GRIN2A: variants seen among roughly 807,000 people sequenced by gnomAD.
GRIN2A encodes glutamate ionotropic receptor NMDA type subunit 2A.
A neutral mutation model predicts 113.4 loss-of-function variants in GRIN2A; 22 were observed. The ratio of observed to expected loss-of-function variants is 0.19; its 90% CI spans 0.14 to 0.28. GRIN2A has a LOEUF of 0.28. GRIN2A is among the 10% of genes least tolerant of loss of function. The probability of loss-of-function intolerance (pLI) is 1.00; values close to 1 mark genes in which losing one functional copy is unlikely to be tolerated. For synonymous variants in GRIN2A, 827 were observed against 738.4 expected, an observed-to-expected ratio of 1.12 and a Z score of -1.94; for missense variants, 1,502 against 1,887.0, an observed-to-expected ratio of 0.80 and a Z score of 3.78.
intron 3 of GRIN2A, among the ~76,000 whole-genome samples, chr16:9,920,254 T>C (rs1255454628): frequency 6.6e-6 from 1 of 152,190 alleles, no homozygotes; most frequent in Non-Finnish European, 1.5e-5. Flanking sequence ...CATGAATGAA[T>C]GAACGAATGA....
chr16:9,961,264 C>T (rs148195123), intron 2 of GRIN2A, among the ~76,000 whole-genome samples: 447 of 152,066 alleles, frequency 2.9e-3, no homozygotes, highest in Non-Finnish European at 4.5e-3. Context: ...GATGGAAATA[C>T]GCAGCTACAA....
chr16:9,978,926 G>C (rs149490272), intron 2 of GRIN2A, among the ~76,000 whole-genome samples: 13 of 152,286 alleles, frequency 8.5e-5, no homozygotes, highest in African/African-American at 3.1e-4. Flanking sequence ...TGTACCCACA[G>C]ACACTTCTAA....
chr16:9,757,235 T>G lies in GRIN2A; in HGVS notation c.*5914A>C. The G allele has an allele frequency of 1.4e-5, 3 of 219,892 alleles. No individual in the cohort carries two copies. Among genetic ancestry groups the G allele is most frequent in the Non-Finnish European group, 1.8e-5 (2 of 109,634 alleles). The allele number at this position is 219,892 out of a possible 1,614,324, so 13.6% of individuals were successfully genotyped here. ...GTGCAAAAATGTAGGAGTGTGAGTG[T>G]GTTCACCTGGTTAGCAGCTCCTGGG... is the stretch of plus-strand genomic sequence containing the variant. On this transcript the variant is annotated 3_prime_UTR_variant, in exon 13 of 13. Transcript: ENST00000330684.
intron 2 of GRIN2A, among the ~76,000 whole-genome samples, chr16:10,100,147 C>G (rs8055814): frequency 0.83 from 126,544 of 152,124 alleles, 53,526 homozygotes; most frequent in East Asian, 0.95. Flanking sequence ...GCAGGTGAGA[C>G]GTGGGGCTCC....
chr16:10,154,655 C>A (rs2049652119), intron 2 of GRIN2A, among the ~76,000 whole-genome samples: 1 of 152,086 alleles, frequency 6.6e-6, no homozygotes, highest in Non-Finnish European at 1.5e-5. Flanking sequence ...GAAGCTAAAT[C>A]AACAAATAAA....
chr16:9,908,496 T>C (rs1852213180), intron 3 of GRIN2A, among the ~76,000 whole-genome samples: 1 of 151,572 alleles, frequency 6.6e-6, no homozygotes, highest in African/African-American at 2.4e-5. Context: ...AGAGAAATAA[T>C]TGTGGGGAGA....
chr16:10,038,069 G>A (rs997562691), intron 2 of GRIN2A, among the ~76,000 whole-genome samples: 15 of 146,248 alleles, frequency 1.0e-4, no homozygotes, highest in East Asian at 2.3e-4. Flanking sequence ...CATAAACTGC[G>A]CGTAAAAACA....
At chr16:10,114,812 T>A (rs2048697192) in intron 2 of GRIN2A, among the ~76,000 whole-genome samples, 1 of 152,262 alleles carries the variant, frequency 6.6e-6, no homozygotes, top group Non-Finnish European at 1.5e-5. Flanking sequence ...GAATTTATGC[T>A]TCATTTAATG....
chr16:9,891,069 C>G lies in GRIN2A; in HGVS notation c.1039G>C (p.Asp347His). The G allele has an allele frequency of 2.5e-6, 4 of 1,612,356 alleles. No individual in the cohort carries two copies. The highest frequency in any genetic ancestry group is 3.4e-6 in the Non-Finnish European group (4 of 1,178,390). The change falls in exon 4 of 13, where the codon GAC becomes CAC. Residue 347 changes from aspartate (D) to histidine (H), a missense_variant. Asp to His is a moderately conservative substitution (Grantham distance 81). This residue lies in a region of GRIN2A where 334 missense variants were observed against 403.0 expected (regional missense o/e 0.83). Transcript: ENST00000330684. Reference protein sequence around the residue: ...FMVNVTWDGKDLSFTEEGYQV... With the variant: ...FMVNVTWDGKHLSFTEEGYQV... ...TAGCCTTCCTCAGTGAAGGATAAGT[C>G]TTTGCCATCCCATGTAACATTGACC...
chr16:10,180,433 C>A lies in GRIN2A; in HGVS notation c.-18-4G>T, dbSNP rs2050244759. 3 of 1,600,266 alleles carry A rather than the reference C, an allele frequency of 1.9e-6. No homozygotes were observed. The highest frequency in any genetic ancestry group is 2.2e-5 in the South Asian group (2 of 90,652). On this transcript the variant is annotated splice_polypyrimidine_tract_variant and splice_region_variant and intron_variant, in intron 1 of 12. Coordinates refer to ENST00000330684, the MANE Select transcript of GRIN2A (RefSeq NM_001134407.3). This position sits in a 1 kb window ranked among gnomAD's most constrained non-coding sequence, Gnocchi z 7.0. ...CCATAGTCGCCACTGACGGTCCCTG[C>A]AAGGTGAAGAGTGAGAGGCAGGGCC...
At chr16:10,168,170 A>C (rs1260832944) in intron 2 of GRIN2A, among the ~76,000 whole-genome samples, 1 of 152,222 alleles carries the variant, frequency 6.6e-6, no homozygotes, top group African/African-American at 2.4e-5. Context: ...TCACTAGTAA[A>C]TATGAGGCCG....
intron 11 of GRIN2A, among the ~76,000 whole-genome samples, chr16:9,793,550 A>G (rs1345606154): frequency 6.6e-6 from 1 of 152,076 alleles, no homozygotes; most frequent in African/African-American, 2.4e-5. Context: ...AGCAGAATCG[A>G]GGTACTCAAT....
chr16:10,104,374 G>T (rs1277450917), intron 2 of GRIN2A, among the ~76,000 whole-genome samples: 1 of 152,186 alleles, frequency 6.6e-6, no homozygotes, highest in African/African-American at 2.4e-5. Flanking sequence ...TTGAGCCTGG[G>T]CATCTGGGAG....
At chr16:10,057,273 T>C (rs1447837047) in intron 2 of GRIN2A, among the ~76,000 whole-genome samples, 1 of 152,158 alleles carries the variant, frequency 6.6e-6, no homozygotes, top group Non-Finnish European at 1.5e-5. Flanking sequence ...ACCTCAAGAA[T>C]AAATACAATC....
At chr16:9,995,593 TC>T (rs778368543) in intron 2 of GRIN2A, among the ~76,000 whole-genome samples, 3 of 152,088 alleles carry the variant, frequency 2.0e-5, no homozygotes, top group Non-Finnish European at 2.9e-5. Flanking sequence ...GTCTATTCAC[TC>T]CCAGTCATAA....
At chr16:10,026,383 A>G (rs1018269614) in intron 2 of GRIN2A, among the ~76,000 whole-genome samples, 1 of 152,132 alleles carries the variant, frequency 6.6e-6, no homozygotes, top group African/African-American at 2.4e-5. Flanking sequence ...ATCTATTGCT[A>G]TTATTTATTA....
chr16:10,003,252 T>A (rs1183059975), intron 2 of GRIN2A, among the ~76,000 whole-genome samples: 1 of 152,006 alleles, frequency 6.6e-6, no homozygotes, highest in Non-Finnish European at 1.5e-5. Flanking sequence ...CTGATTCCAA[T>A]GGGAGAGGCA....
At chr16:9,925,962 T>C (rs963628331) in intron 3 of GRIN2A, among the ~76,000 whole-genome samples, 1 of 152,218 alleles carries the variant, frequency 6.6e-6, no homozygotes, top group Non-Finnish European at 1.5e-5. Flanking sequence ...ACATTGGAAA[T>C]TTTCAAGACA....
At chr16:9,899,406 C>T (rs917980505) in intron 3 of GRIN2A, among the ~76,000 whole-genome samples, 11 of 126,964 alleles carry the variant, frequency 8.7e-5, no homozygotes, top group African/African-American at 3.4e-4. Flanking sequence ...CACCATTGCA[C>T]TCTAGCCTGG....
Sources: gnomAD v4.1 joint callset for allele counts (sites outside exome capture counted in the v4.1 genomes callset) on GRCh38, gnomAD v4.1.1 for gene constraint, gnomAD v4.1.1 regional missense constraint, Gnocchi (gnomAD v3.1) non-coding constraint, MANE v1.5 for transcripts, NCBI Gene and HGNC (gene_info 2026-07-23, HGNC 2026-07-21) for gene names.